Variants in UGGT1 observed in about 807,000 individuals in gnomAD.
The protein encoded by UGGT1 is UDP-glucose glycoprotein glucosyltransferase 1.
A neutral mutation model predicts 203.9 loss-of-function variants in UGGT1; 107 were observed. The ratio of observed to expected loss-of-function variants is 0.52; its 90% CI spans 0.45 to 0.62. The LOEUF (loss-of-function observed/expected upper bound fraction) is 0.62. UGGT1 is among the 20% of genes least tolerant of loss of function. UGGT1 has a pLI of 0.00. For synonymous variants in UGGT1, 628 were observed against 653.5 expected, an observed-to-expected ratio of 0.96 and a Z score of 0.59; for missense variants, 1,673 against 1,867.2, an observed-to-expected ratio of 0.90 and a Z score of 1.92.
chr2:128,143,285 GT>G, intron 17 of UGGT1, 60 bp downstream of exon 17: 2 of 1,500,384 alleles, frequency 1.3e-6, no homozygotes, highest in South Asian at 1.4e-5. Context: ...TTAACCCCGT[GT>G]TTGGGGGCTT....
chr2:128,092,817 C>T lies in UGGT1; in HGVS notation c.58+1402C>T, dbSNP rs184183194. Reference sequence around the variant, plus strand: ...GTGGTCCTCCTACCTCAGCCTCCTACGGATGGTTGTTGATAGTTGGGCCTA... The same window carrying T: ...GTGGTCCTCCTACCTCAGCCTCCTATGGATGGTTGTTGATAGTTGGGCCTA... On this transcript the variant is annotated intron_variant, in intron 1 of 40. Coordinates refer to ENST00000259253, the MANE Select transcript of UGGT1 (RefSeq NM_020120.4). Among the ~76,000 whole-genome samples, 306 of 152,072 alleles carry T rather than the reference C, an allele frequency of 2.0e-3. 1 individual carries two copies. Among genetic ancestry groups the T allele is most frequent in the Admixed American group, 2.5e-3 (38 of 15,258 alleles).
chr2:128,161,363 C>A, intron 25 of UGGT1, 95 bp downstream of exon 25: 1 of 1,399,172 alleles, frequency 7.1e-7, no homozygotes, highest in Non-Finnish European at 9.6e-7. Flanking sequence ...TACTACATAT[C>A]CCAAGGAGTT....
intron 1 of UGGT1, chr2:128,091,671 G>C: frequency 2.6e-6 from 3 of 1,170,334 alleles, no homozygotes; most frequent in South Asian, 1.9e-5. Flanking sequence ...TTAGATCCTT[G>C]TGCCAAGTGC....
At chr2:128,154,765 T>G (rs893585852) in intron 19 of UGGT1, among the ~76,000 whole-genome samples, 20 of 152,154 alleles carry the variant, frequency 1.3e-4, no homozygotes, top group Admixed American at 7.2e-4. Context: ...GCAGGCAAGC[T>G]GTGTCTGACA....
intron 38 of UGGT1, among the ~76,000 whole-genome samples, chr2:128,184,435 A>G (rs1352723156): frequency 1.3e-5 from 2 of 152,330 alleles, no homozygotes; most frequent in East Asian, 3.9e-4. Flanking sequence ...ATTCACATAC[A>G]TCCAGGAATT....
chr2:128,187,688 A>C, intron 40 of UGGT1, 74 bp downstream of exon 40: 2 of 1,426,066 alleles, frequency 1.4e-6, no homozygotes, highest in Non-Finnish European at 1.9e-6. Flanking sequence ...AAGACAATAG[A>C]ATAATGGATA....
At chr2:128,167,348 T>C (rs897436543) in intron 26 of UGGT1, among the ~76,000 whole-genome samples, 2 of 152,228 alleles carry the variant, frequency 1.3e-5, no homozygotes, top group South Asian at 2.1e-4. Flanking sequence ...GTTCCTCTTA[T>C]TGGGAGTTGT....
At chr2:128,096,146 G>A (rs939413303) in intron 1 of UGGT1, among the ~76,000 whole-genome samples, 4 of 152,146 alleles carry the variant, frequency 2.6e-5, no homozygotes, top group African/African-American at 7.2e-5. Context: ...GAGCGGCTGC[G>A]GAGGGTGTCA....
At chr2:128,103,506 G>T (rs1446068761) in intron 2 of UGGT1, among the ~76,000 whole-genome samples, 1 of 152,080 alleles carries the variant, frequency 6.6e-6, no homozygotes, top group Non-Finnish European at 1.5e-5. Context: ...TTTACTGTGG[G>T]AGAACTTTAG....
rs768872494 is a variant in UGGT1, at chr2:128,113,166, A to T, written c.604A>T (p.Ile202Phe). 2 of 1,613,154 alleles carry T rather than the reference A, an allele frequency of 1.2e-6. No individual in the cohort carries two copies. Among genetic ancestry groups the T allele is most frequent in the Non-Finnish European group, 1.7e-6 (2 of 1,179,512 alleles). The change falls in exon 6 of 41, where the codon ATT (isoleucine) becomes TTT (phenylalanine). Residue 202 changes from isoleucine to phenylalanine, a missense_variant. This residue lies in a region of UGGT1 where 1,073 missense variants were observed against 1,078.7 expected (regional missense o/e 0.99). Coordinates refer to ENST00000259253, the MANE Select transcript of UGGT1 (RefSeq NM_020120.4). ...ESPVVIFYSE[I>F]GSEEFSNFHR... ...CCCTGTGGTGATTTTCTACTCTGAG[A>T]TTGGCTCTGAGGAATTTTCCAATTT...
intron 16 of UGGT1, among the ~76,000 whole-genome samples, chr2:128,141,941 T>G (rs1161591110): frequency 2.0e-5 from 3 of 152,088 alleles, no homozygotes; most frequent in Non-Finnish European, 4.4e-5. Flanking sequence ...TTATAAGTGT[T>G]GAGATTTTTC....
Position 128,133,235 on chromosome 2 carries a change from A to G in UGGT1, c.1472A>G (p.Gln491Arg). ...LRPTFPGVIR[Q>R]IRKNLHNMVF... is the part of the protein sequence containing the mutation. ...CCCACCTTTCCTGGTGTTATTCGGC[A>G]GATCAGGAAAAACTTACATAATATG... Residue 491 changes from glutamine to arginine, a missense_variant, in exon 14 of 41, where the codon CAG becomes CGG. Physicochemically the swap from Gln to Arg is conservative, Grantham distance 43 (BLOSUM62 1). This residue lies in a region of UGGT1 where 1,073 missense variants were observed against 1,078.7 expected (regional missense o/e 0.99). Transcript: ENST00000259253. The G allele has an allele frequency of 6.2e-7, 1 of 1,613,906 alleles. No homozygotes were observed. Among genetic ancestry groups the G allele is most frequent in the African/African-American group, 1.3e-5 (1 of 75,038 alleles).
rs144993527 is a variant in UGGT1, at chr2:128,152,173, C to G, written c.2017-611C>G. ...TTAACTGCTTGAGAGAAGACCTTTT[C>G]CTATTTTTTTTTTTTCCTTGGGACA... On this transcript the variant is annotated intron_variant, in intron 18 of 40. Coordinates refer to ENST00000259253, the MANE Select transcript of UGGT1 (RefSeq NM_020120.4). 9.5e-3 allele frequency among the ~76,000 whole-genome samples: 1,437 copies of G among 151,900 alleles called. 21 individuals are homozygous for G. The highest frequency in any genetic ancestry group is 0.032 in the African/African-American group (1,312 of 41,450).
intron 13 of UGGT1, among the ~76,000 whole-genome samples, chr2:128,132,578 G>A (rs1282993530): frequency 6.6e-6 from 1 of 152,130 alleles, no homozygotes; most frequent in African/African-American, 2.4e-5. Flanking sequence ...AAAAAATTTC[G>A]CTTCTTTCTT....
chr2:128,170,191 C>A (rs1691020963), intron 26 of UGGT1, 97 bp from the exon 27 acceptor site: 2 of 946,640 alleles, frequency 2.1e-6, no homozygotes, highest in Non-Finnish European at 3.3e-6. Flanking sequence ...ATCTAAAGTT[C>A]TTTGAAATGC....
intron 26 of UGGT1, 149 bp downstream of exon 26, chr2:128,164,974 A>T (rs1690715239): frequency 3.5e-6 from 2 of 564,666 alleles, no homozygotes; most frequent in Admixed American, 7.5e-5. Flanking sequence ...TTTCACATGT[A>T]TATATTTGTG....
intron 22 of UGGT1, 121 bp downstream of exon 22, chr2:128,157,467 G>A: frequency 2.9e-6 from 2 of 691,338 alleles, no homozygotes; most frequent in South Asian, 1.9e-5. Flanking sequence ...AATGCTCGAG[G>A]GAACGGAGAA....
At chr2:128,154,522 C>T (rs1186681706) in intron 19 of UGGT1, among the ~76,000 whole-genome samples, 1 of 152,090 alleles carries the variant, frequency 6.6e-6, no homozygotes, top group Non-Finnish European at 1.5e-5. Flanking sequence ...TGTCCTGGAA[C>T]CTTTTTAGTA....
intron 15 of UGGT1, among the ~76,000 whole-genome samples, chr2:128,138,339 G>A (rs555692181): frequency 5.8e-4 from 88 of 152,276 alleles, no homozygotes; most frequent in Non-Finnish European, 1.2e-3. Flanking sequence ...GGCCAACATG[G>A]TGAAACCCCA....
Sources: gnomAD v4.1 joint callset for allele counts (sites outside exome capture counted in the v4.1 genomes callset) on GRCh38, gnomAD v4.1.1 for gene constraint, gnomAD v4.1.1 regional missense constraint, MANE v1.5 for transcripts, NCBI Gene and HGNC (gene_info 2026-07-23, HGNC 2026-07-21) for gene names.